The following SLC30A9 variants were observed in gnomAD, a reference collection of about 807,000 sequenced individuals.
SLC30A9 encodes solute carrier family 30 member 9.
A neutral mutation model predicts 87.5 loss-of-function variants in SLC30A9; 58 were observed. The observed-to-expected ratio is 0.66, with a 90% confidence interval of 0.54 to 0.82. SLC30A9 has a LOEUF of 0.82. Among genes scored for constraint, SLC30A9 ranks in the 40% least tolerant of loss-of-function variants. The probability of loss-of-function intolerance (pLI) is 0.00; values close to 1 mark genes in which losing one functional copy is unlikely to be tolerated. For synonymous variants in SLC30A9, 234 were observed against 233.0 expected (o/e 1.00, Z -0.04); for missense variants, 557 against 679.1 (o/e 0.82, Z 2.00).
intron 17 of SLC30A9, among the ~76,000 whole-genome samples, chr4:42,084,704 C>T (rs1042085468): frequency 6.6e-6 from 1 of 152,168 alleles, no homozygotes; most frequent in Non-Finnish European, 1.5e-5. Flanking sequence ...ATCTCTTGAC[C>T]TTGTGATCCG....
At chr4:42,045,364 A>G (rs910693449) in intron 8 of SLC30A9, among the ~76,000 whole-genome samples, 1 of 152,170 alleles carries the variant, frequency 6.6e-6, no homozygotes, top group African/African-American at 2.4e-5. Context: ...ACAACAATGA[A>G]AAATGATAAA....
intron 8 of SLC30A9, among the ~76,000 whole-genome samples, chr4:42,048,492 G>C (rs1255546782): frequency 6.8e-6 from 1 of 146,124 alleles, no homozygotes; most frequent in Non-Finnish European, 1.5e-5. Flanking sequence ...TTGTATAACA[G>C]ACTTGTAATA....
chr4:42,008,641 C>G (rs1419527085), intron 2 of SLC30A9, among the ~76,000 whole-genome samples: 4 of 152,080 alleles, frequency 2.6e-5, no homozygotes, highest in African/African-American at 9.7e-5. Context: ...AGAAGAGGAG[C>G]CTGCAAAGCA....
chr4:42,002,361 G>A (rs1229331735), intron 2 of SLC30A9, among the ~76,000 whole-genome samples: 8 of 151,800 alleles, frequency 5.3e-5, no homozygotes, highest in African/African-American at 1.9e-4. Context: ...TGAGGTACAC[G>A]TGATCTCATC....
intron 11 of SLC30A9, 127 bp downstream of exon 11, chr4:42,063,248 T>TTA (rs1717937653): frequency 1.4e-6 from 1 of 739,912 alleles, no homozygotes; most frequent in African/African-American, 1.8e-5. Flanking sequence ...TATTGTAGGG[T>TTA]TATATATCTA....
chr4:42,043,820 A>C (rs1312814865), intron 8 of SLC30A9, among the ~76,000 whole-genome samples: 1 of 152,226 alleles, frequency 6.6e-6, no homozygotes, highest in African/African-American at 2.4e-5. Context: ...AGCCAGAGAG[A>C]AAGGTCGGGT....
chr4:42,014,000 A>G (rs1160134248), intron 2 of SLC30A9, among the ~76,000 whole-genome samples: 1 of 152,256 alleles, frequency 6.6e-6, no homozygotes, highest in Admixed American at 6.5e-5. Flanking sequence ...TGATCTCACC[A>G]GAATATATAA....
intron 9 of SLC30A9, among the ~76,000 whole-genome samples, chr4:42,054,900 T>C (rs1048464179): frequency 1.3e-5 from 2 of 152,194 alleles, no homozygotes; most frequent in Non-Finnish European, 2.9e-5. Context: ...TATTTAAAGA[T>C]GAAATGGTAC....
intron 2 of SLC30A9, among the ~76,000 whole-genome samples, chr4:42,017,161 T>C (rs1420253934): frequency 2.0e-5 from 3 of 152,224 alleles, no homozygotes; most frequent in Admixed American, 6.5e-5. Flanking sequence ...TCTTATGATT[T>C]CATTTGGATT....
chr4:41,997,159 C>CA (rs5857827), intron 1 of SLC30A9, among the ~76,000 whole-genome samples: 99,176 of 147,310 alleles, frequency 0.67, 37,396 homozygotes, highest in East Asian at 0.95. Flanking sequence ...TTTCCTAACT[C>CA]AAAAAAAAAA....
At chr4:42,041,380 G>T (rs146035887) in intron 8 of SLC30A9, among the ~76,000 whole-genome samples, 25 of 152,206 alleles carry the variant, frequency 1.6e-4, no homozygotes, top group African/African-American at 5.3e-4. Context: ...CGCCTCCCAG[G>T]TTCAAGCGAT....
Position 42,001,604 on chromosome 4 carries a change from T to C in SLC30A9, c.110-12T>C, listed in dbSNP as rs771312319. 3.2e-6 allele frequency: 5 copies of C among 1,546,230 alleles called. No individual in the cohort carries two copies. In the East Asian group the frequency reaches 1.1e-4, roughly 35 times the overall value. On this transcript the variant is annotated splice_polypyrimidine_tract_variant and intron_variant, in intron 1 of 17. Coordinates refer to ENST00000264451, the MANE Select transcript of SLC30A9 (RefSeq NM_006345.4). Reference sequence around the variant, plus strand: ...TGGTTTGAAATTAAAGTATATATATTTTTTCTTTTAGAGTGGCAGAATTTA... The same window carrying C: ...TGGTTTGAAATTAAAGTATATATATCTTTTCTTTTAGAGTGGCAGAATTTA...
chr4:42,079,636 C>T (rs371385895), intron 17 of SLC30A9, among the ~76,000 whole-genome samples: 227 of 147,860 alleles, frequency 1.5e-3, no homozygotes, highest in African/African-American at 5.3e-3. Context: ...GAGACGGAGT[C>T]TCGCACTGTC....
Position 42,086,225 on chromosome 4 carries a change from CA to C in SLC30A9, c.*100del. The C allele has an allele frequency of 1.6e-6, 1 of 616,806 alleles. No homozygotes were observed. Among genetic ancestry groups the C allele is most frequent in the Non-Finnish European group, 2.8e-6 (1 of 362,938 alleles). The allele number at this position is 616,806 out of a possible 1,614,324, so 38.2% of individuals were successfully genotyped here. On this transcript the variant is annotated 3_prime_UTR_variant, in exon 18 of 18. Coordinates refer to ENST00000264451, the MANE Select transcript of SLC30A9 (RefSeq NM_006345.4). ...TCTCCTACACTGAAAGACTCAGTGC[CA>C]TGCAGAAGCCTTTTTTTTAAGATGA... is the stretch of plus-strand genomic sequence containing the variant.
chr4:42,025,942 C>T (rs11721620), intron 6 of SLC30A9, among the ~76,000 whole-genome samples: 98,389 of 152,018 alleles, frequency 0.65, 36,014 homozygotes, highest in East Asian at 0.96. Flanking sequence ...CGTGAGCCAC[C>T]GCACCTGGCG....
chr4:42,001,821 G>C, intron 2 of SLC30A9, 41 bp downstream of exon 2: 3 of 1,351,588 alleles, frequency 2.2e-6, no homozygotes, highest in Non-Finnish European at 3.1e-6. Context: ...CTGTATACTG[G>C]AATAGTTTGT....
At chr4:42,004,618 G>A (rs1445543689) in intron 2 of SLC30A9, among the ~76,000 whole-genome samples, 1 of 148,686 alleles carries the variant, frequency 6.7e-6, no homozygotes, top group Admixed American at 6.7e-5. Flanking sequence ...TATGTATGTT[G>A]GGTTTTTAAC....
chr4:42,067,314 C>CG lies in SLC30A9; in HGVS notation c.1252+122_1252+123insG, dbSNP rs11409064. On this transcript the variant is annotated intron_variant, in intron 14 of 17. Coordinates refer to ENST00000264451, the MANE Select transcript of SLC30A9 (RefSeq NM_006345.4). ...CCAACAAATTGTTAAATGTTAATTC[C>CG]TACTAATCATTGACTTATGTAAGAC... 7.8e-4 allele frequency: 510 copies of CG among 650,360 alleles called. 7 individuals carry two copies. The South Asian group carries it at 8.7e-3, about 11-fold the overall frequency. The allele number at this position is 650,360 out of a possible 1,614,324, so 40.3% of individuals were successfully genotyped here. A position where few individuals can be genotyped will look rare whatever the true frequency, so the allele number is the denominator to read the frequency against.
intron 11 of SLC30A9, among the ~76,000 whole-genome samples, chr4:42,064,508 C>T (rs757469496): frequency 6.6e-6 from 1 of 152,072 alleles, no homozygotes; most frequent in African/African-American, 2.4e-5. Context: ...AGTTTCTTAC[C>T]ATAATACATT....
Sources: allele counts gnomAD v4.1 joint callset (sites outside exome capture counted in the v4.1 genomes callset), GRCh38; gene constraint gnomAD v4.1.1; transcripts MANE v1.5; gene names NCBI Gene and HGNC (gene_info 2026-07-23, HGNC 2026-07-21).